The following TRIM33 variants were observed in gnomAD, a reference collection of about 807,000 sequenced individuals.
The protein encoded by TRIM33 is tripartite motif containing 33, also known as E3 ubiquitin-protein ligase TRIM33.
Under a neutral mutation model 125.4 loss-of-function variants are expected in TRIM33, and 20 were observed. The ratio of observed to expected loss-of-function variants is 0.16; its 90% confidence interval spans 0.11 to 0.23. The LOEUF (loss-of-function observed/expected upper bound fraction) is 0.23. Ranked by LOEUF, TRIM33 falls within the 10% of genes least tolerant of loss-of-function variation. TRIM33 has a pLI of 1.00. For synonymous variants in TRIM33, 564 were observed against 513.9 expected, an observed-to-expected ratio of 1.10 and a Z score of -1.32; for missense variants, 920 against 1,411.4, an observed-to-expected ratio of 0.65 and a Z score of 5.58.
rs749950878 is a variant in TRIM33, at chr1:114,405,606, C to T, written c.2572G>A (p.Val858Ile). Reference sequence around the variant, plus strand: ...CTTCGAATTGGGGACTTTCCATTAACAAGGCTGCTGAGCCCTGACTGTTTG... The same window carrying T: ...CTTCGAATTGGGGACTTTCCATTAATAAGGCTGCTGAGCCCTGACTGTTTG... ...SCKQSGLSSL[V>I]NGKSPIRSLM... Residue 858 changes from valine (V) to isoleucine (I), a missense_variant, in exon 15 of 20, where the codon GTT (valine) becomes ATT (isoleucine). Transcript: ENST00000358465. The T allele has an allele frequency of 4.3e-6, 7 of 1,614,188 alleles. No individual in the cohort carries two copies. In the South Asian group the frequency reaches 7.7e-5, roughly 18 times the overall value.
intron 1 of TRIM33, among the ~76,000 whole-genome samples, chr1:114,471,201 C>A (rs185783520): frequency 1.3e-5 from 2 of 152,156 alleles, no homozygotes; most frequent in African/African-American, 4.8e-5. Context: ...GTAATTCCAG[C>A]GATTTGGAAG....
At position 114,408,758 on chromosome 1, in the gene TRIM33, A is replaced by C. The variant is rs531747637; in HGVS notation, c.2195-18T>G. The C allele has an allele frequency of 5.9e-6, 9 of 1,528,932 alleles. No homozygotes were observed. The highest frequency in any genetic ancestry group is 5.5e-5 in the African/African-American group (4 of 72,802). 94.7% of individuals were successfully genotyped at this position (1,528,932 alleles called of 1,614,324 possible). A position where few individuals can be genotyped will look rare whatever the true frequency, so the allele number is the denominator to read the frequency against. On this transcript the variant is annotated intron_variant, in intron 12 of 19. Transcript: ENST00000358465. ...GGATAAACCTAAAAAGTAGTAAGTC[A>C]AAATGAATATCAATGCATATAAGAA... is the stretch of plus-strand genomic sequence containing the variant.
intron 17 of TRIM33, among the ~76,000 whole-genome samples, chr1:114,399,937 CTTT>C (rs146404304): frequency 3.4e-5 from 5 of 146,634 alleles, no homozygotes; most frequent in African/African-American, 1.3e-4. Context: ...AGGAGTTTTT[CTTT>C]TTTTTTTAAA....
At chr1:114,465,782 C>T (rs1163790071) in intron 1 of TRIM33, among the ~76,000 whole-genome samples, 1 of 152,118 alleles carries the variant, frequency 6.6e-6, no homozygotes, top group Non-Finnish European at 1.5e-5. Flanking sequence ...TGGCTCACGC[C>T]TGTAATCCCA....
intron 1 of TRIM33, among the ~76,000 whole-genome samples, chr1:114,494,910 A>AGTTGTTGTT (rs113782004): frequency 2.6e-5 from 4 of 152,020 alleles, no homozygotes; most frequent in African/African-American, 9.7e-5. Flanking sequence ...AGAATAGAGT[A>AGTTGTTGTT]GTTGTTGTTG....
intron 1 of TRIM33, among the ~76,000 whole-genome samples, chr1:114,480,322 C>T (rs572800252): frequency 6.6e-6 from 1 of 152,038 alleles, no homozygotes; most frequent in South Asian, 2.1e-4. Flanking sequence ...ATCTCAAGTA[C>T]CCAGGGACAC....
chr1:114,397,677 A>C lies in TRIM33; in HGVS notation c.3355T>G (p.Ser1119Ala), dbSNP rs1651626755. 2.5e-6 allele frequency: 4 copies of C among 1,592,098 alleles called. No homozygotes were observed. The highest frequency in any genetic ancestry group is 3.4e-6 in the Non-Finnish European group (4 of 1,173,888). The part of the protein sequence containing the change: ...FIQPRRKRLK[S>A]DERPVHIK ...TTTATATGTACTGGTCTCTCATCTG[A>C]CTTTAGGCGTTTTCTGCGGGGCTGT... Residue 1119 changes from serine to alanine, a missense_variant, in exon 20 of 20, where the codon TCA becomes GCA. Transcript: ENST00000358465.
Position 114,424,751 on chromosome 1 carries a change from G to A in TRIM33, c.1700C>T (p.Pro567Leu). Residue 567 changes from proline to leucine, a missense_variant, in exon 10 of 20, where the codon CCT becomes CTT. Transcript: ENST00000358465. Reference protein sequence around the residue: ...AAPQMLQQQPPRLISVQTMQR... With the variant: ...AAPQMLQQQPLRLISVQTMQR... ...CATTGTTTGCACACTGATCAATCGA[G>A]GAGGCTACAAAAAGTAGAAATTGCA... The A allele has an allele frequency of 6.7e-7, 1 of 1,495,226 alleles. No homozygotes were observed. The highest frequency in any genetic ancestry group is 2.4e-5 in the East Asian group (1 of 41,926). The allele number at this position is 1,495,226 out of a possible 1,614,324, so 92.6% of individuals were successfully genotyped here.
intron 1 of TRIM33, among the ~76,000 whole-genome samples, chr1:114,474,299 G>C (rs952272474): frequency 6.6e-6 from 1 of 151,758 alleles, no homozygotes; most frequent in Admixed American, 6.6e-5. Context: ...GTCTTGGTGC[G>C]GTGGCTCACA....
intron 4 of TRIM33, among the ~76,000 whole-genome samples, chr1:114,447,063 A>G (rs149208397): frequency 7.2e-4 from 109 of 152,336 alleles, no homozygotes; most frequent in African/African-American, 2.5e-3. Context: ...TGCGTGTATA[A>G]GGTCTTTAAA....
chr1:114,456,404 C>T (rs1266317727), intron 4 of TRIM33, among the ~76,000 whole-genome samples: 1 of 152,106 alleles, frequency 6.6e-6, no homozygotes, highest in African/African-American at 2.4e-5. Context: ...TACAATAATC[C>T]TGTGTGGCCT....
At chr1:114,434,379 T>G (rs1181559464) in intron 4 of TRIM33, among the ~76,000 whole-genome samples, 1 of 152,234 alleles carries the variant, frequency 6.6e-6, no homozygotes, top group Admixed American at 6.5e-5. Flanking sequence ...ATTCTTTATC[T>G]TGTCTTTATA....
At chr1:114,498,177 A>C (rs1652492310) in intron 1 of TRIM33, among the ~76,000 whole-genome samples, 1 of 151,970 alleles carries the variant, frequency 6.6e-6, no homozygotes, top group African/African-American at 2.4e-5. Context: ...AATATAAATA[A>C]GGAATCAGTA....
At chr1:114,469,713 G>A (rs898525284) in intron 1 of TRIM33, among the ~76,000 whole-genome samples, 2 of 152,112 alleles carry the variant, frequency 1.3e-5, no homozygotes, top group African/African-American at 4.8e-5. Flanking sequence ...TGGAGGTAGC[G>A]GCAGACAGAC....
At chr1:114,414,060 C>G (rs973543803) in intron 11 of TRIM33, among the ~76,000 whole-genome samples, 24 of 150,974 alleles carry the variant, frequency 1.6e-4, no homozygotes, top group Non-Finnish European at 3.0e-5. Flanking sequence ...CACACACACA[C>G]ACACACACAC....
At chr1:114,408,879 GCATGTGTAAC>G (rs1414841266) in intron 12 of TRIM33, 139 bp from the exon 13 acceptor site, 2 of 596,020 alleles carry the variant, frequency 3.4e-6, no homozygotes, top group African/African-American at 3.8e-5. Context: ...AGTCAGGGAC[GCATGTGTAAC>G]CATTAGCAGA....
chr1:114,402,668 G>T, intron 16 of TRIM33, 92 bp downstream of exon 16: 1 of 1,377,284 alleles, frequency 7.3e-7, no homozygotes, highest in Non-Finnish European at 9.8e-7. Flanking sequence ...ATGTTATCAG[G>T]TTTTGTGTAT....
intron 4 of TRIM33, among the ~76,000 whole-genome samples, chr1:114,444,822 A>G (rs1648875838): frequency 6.6e-6 from 1 of 152,242 alleles, no homozygotes; most frequent in African/African-American, 2.4e-5. Flanking sequence ...CCTAACTCAC[A>G]GCAAAGAAAA....
intron 1 of TRIM33, among the ~76,000 whole-genome samples, chr1:114,470,930 T>C (rs114585510): frequency 6.6e-6 from 1 of 152,152 alleles, no homozygotes; most frequent in Non-Finnish European, 1.5e-5. Flanking sequence ...TCCCATGCAG[T>C]GGGGACCACA....
Sources: gnomAD v4.1 joint callset for allele counts (sites outside exome capture counted in the v4.1 genomes callset) on GRCh38, gnomAD v4.1.1 for gene constraint, MANE v1.5 for transcripts, NCBI Gene and HGNC (gene_info 2026-07-23, HGNC 2026-07-21) for gene names.